ZFAND4: variants seen among roughly 807,000 people sequenced by gnomAD.
ZFAND4 encodes zinc finger AN1-type containing 4.
In ZFAND4, 43 loss-of-function variants were observed where a neutral mutation model predicts 64.4. That is an observed-to-expected ratio of 0.67 (90% confidence interval 0.52 to 0.86). The LOEUF is 0.86. ZFAND4 is among the 40% of genes least tolerant of loss of function. The probability of loss-of-function intolerance (pLI) is 0.00; values close to 1 mark genes in which losing one functional copy is unlikely to be tolerated. For missense variants in ZFAND4, 929 were observed against 859.8 expected, an observed-to-expected ratio of 1.08 and a Z score of -1.01; for synonymous variants, 296 against 305.7, an observed-to-expected ratio of 0.97 and a Z score of 0.33.
At chr10:45,646,703 C>A (rs115595932) in intron 5 of ZFAND4, among the ~76,000 whole-genome samples, 123 of 152,242 alleles carry the variant, frequency 8.1e-4, no homozygotes, top group African/African-American at 2.9e-3. Flanking sequence ...AGGACTCATA[C>A]GCTAAGCTGA....
At chr10:45,616,709 C>T (rs1054626578) in intron 9 of ZFAND4, 138 bp from the exon 10 acceptor site, 3 of 747,498 alleles carry the variant, frequency 4.0e-6, no homozygotes, top group Non-Finnish European at 4.4e-6. Context: ...TGACATTTCC[C>T]TTCCATTCGT....
rs2133576113 is a variant in ZFAND4, at chr10:45,626,816, T to C, written c.1007A>G (p.Lys336Arg). 5 of 1,614,216 alleles carry C rather than the reference T, an allele frequency of 3.1e-6. No individual in the cohort carries two copies. The highest frequency in any genetic ancestry group is 1.6e-4 in the Middle Eastern group (1 of 6,062). Residue 336 changes from lysine (K) to arginine (R), a missense_variant, in exon 7 of 10, where the codon AAA becomes AGA. Physicochemically the swap from Lys to Arg is conservative, Grantham distance 26. Coordinates refer to ENST00000344646, the MANE Select transcript of ZFAND4 (RefSeq NM_174890.4). ...CAAATGGGGTATCTGAGGAGGTAGT[T>C]TGACGTTGCTACTGAAGTGAGACAG... ...NTLSHFSSNV[K>R]LPPQIPHLEL...
In ZFAND4 at chr10:45,645,409, T is replaced by C. The variant is rs141159407; in HGVS notation, c.569+2885A>G. Among the ~76,000 whole-genome samples the C allele has an allele frequency of 4.2e-3, 636 of 152,318 alleles. 4 individuals are homozygous for C. Among genetic ancestry groups the C allele is most frequent in the African/African-American group, 0.014 (602 of 41,564 alleles). ...TTCAATTGTTTCATGGACTTATCCA[T>C]CATCAGTTTGGTGGCTTACTGGTAA... On this transcript the variant is annotated intron_variant, in intron 5 of 9. Coordinates refer to ENST00000344646, the MANE Select transcript of ZFAND4 (RefSeq NM_174890.4).
intron 6 of ZFAND4, among the ~76,000 whole-genome samples, chr10:45,635,208 AAAAAAC>A: frequency 6.9e-6 from 1 of 144,894 alleles, no homozygotes; most frequent in African/African-American, 2.6e-5. Context: ...AAAAAAAAAA[AAAAAAC>A]AAAAAAAAAA....
Position 45,616,113 on chromosome 10 carries a change from A to G in ZFAND4, c.*323T>C, listed in dbSNP as rs2044924765. On this transcript the variant is annotated 3_prime_UTR_variant, in exon 10 of 10. Coordinates refer to ENST00000344646, the MANE Select transcript of ZFAND4 (RefSeq NM_174890.4). Reference sequence around the variant, plus strand: ...ATGTGGAAGCCTGGTTATTTAGGAAATATTTCGTTTCCTAAAGTGCATCTT... The same window carrying G: ...ATGTGGAAGCCTGGTTATTTAGGAAGTATTTCGTTTCCTAAAGTGCATCTT... 7.9e-6 allele frequency: 2 copies of G among 251,754 alleles called. No homozygotes were observed. Among genetic ancestry groups the G allele is most frequent in the Non-Finnish European group, 1.5e-5 (2 of 130,654 alleles). The allele number at this position is 251,754 out of a possible 1,614,324, so 15.6% of individuals were successfully genotyped here.
chr10:45,633,484 C>T (rs2046357928), intron 6 of ZFAND4, among the ~76,000 whole-genome samples: 1 of 151,916 alleles, frequency 6.6e-6, no homozygotes, highest in South Asian at 2.1e-4. Context: ...ATGAGAAGAT[C>T]CCTTGGTCCC....
chr10:45,619,165 A>G (rs2045229967), intron 8 of ZFAND4, among the ~76,000 whole-genome samples: 1 of 151,408 alleles, frequency 6.6e-6, no homozygotes, highest in Non-Finnish European at 1.5e-5. Context: ...CAGCCTCCCG[A>G]GTAGCTGGGA....
intron 6 of ZFAND4, among the ~76,000 whole-genome samples, chr10:45,630,313 G>A (rs1000184064): frequency 2.0e-5 from 3 of 152,086 alleles, no homozygotes; most frequent in Admixed American, 1.3e-4. Context: ...AGGAGGATAC[G>A]AAATGAGAGC....
intron 8 of ZFAND4, among the ~76,000 whole-genome samples, chr10:45,623,976 G>A (rs1393680377): frequency 6.6e-6 from 1 of 152,150 alleles, no homozygotes; most frequent in Non-Finnish European, 1.5e-5. Flanking sequence ...CTTTGGTAAC[G>A]AGTTTCCCAT....
At chr10:45,636,529 C>T (rs1322176295) in intron 6 of ZFAND4, among the ~76,000 whole-genome samples, 1 of 151,824 alleles carries the variant, frequency 6.6e-6, no homozygotes, top group African/African-American at 2.4e-5. Flanking sequence ...CCCAGCTACT[C>T]AGGAGGCTGA....
At chr10:45,648,218 G>C in intron 5 of ZFAND4, 76 bp downstream of exon 5, 5 of 1,388,316 alleles carry the variant, frequency 3.6e-6, no homozygotes, top group Non-Finnish European at 4.8e-6. Context: ...GCTGGGGCAG[G>C]AATGAGATGC....
At chr10:45,668,536 T>G (rs1288839669) in intron 1 of ZFAND4, among the ~76,000 whole-genome samples, 1 of 152,214 alleles carries the variant, frequency 6.6e-6, no homozygotes, top group African/African-American at 2.4e-5. Context: ...ATAACAATAT[T>G]AGCCTTACAT....
intron 8 of ZFAND4, among the ~76,000 whole-genome samples, chr10:45,621,845 A>G (rs2133529862): frequency 6.6e-6 from 1 of 152,306 alleles, no homozygotes; most frequent in East Asian, 1.9e-4. Context: ...TTTTTAAAAA[A>G]AACTATTTCA....
At chr10:45,646,748 A>G in intron 5 of ZFAND4, among the ~76,000 whole-genome samples, 1 of 152,326 alleles carries the variant, frequency 6.6e-6, no homozygotes, top group East Asian at 1.9e-4. Flanking sequence ...AGGGAGCCAA[A>G]AGAGTGTGTA....
chr10:45,651,524 C>T (rs1236789534), intron 4 of ZFAND4: 17 of 467,626 alleles, frequency 3.6e-5, no homozygotes, highest in East Asian at 2.1e-4. Context: ...AGGATGCAAC[C>T]GGGGCCATGA....
At chr10:45,651,421 A>G (rs2047750625) in intron 4 of ZFAND4, 1 of 364,114 alleles carries the variant, frequency 2.7e-6, no homozygotes. Flanking sequence ...CATGTCTACC[A>G]TACTTGGAAC....
intron 1 of ZFAND4, among the ~76,000 whole-genome samples, chr10:45,667,561 C>T (rs1459363881): frequency 2.7e-5 from 4 of 150,682 alleles, no homozygotes; most frequent in African/African-American, 9.8e-5. Flanking sequence ...CTCCGCCTCC[C>T]GAGTTCAAGC....
chr10:45,669,479 G>C (rs892119651), intron 1 of ZFAND4, among the ~76,000 whole-genome samples: 8 of 152,130 alleles, frequency 5.3e-5, no homozygotes, highest in African/African-American at 1.9e-4. Context: ...CATTCCTTCT[G>C]AAACTATTCC....
intron 6 of ZFAND4, among the ~76,000 whole-genome samples, chr10:45,632,037 C>G (rs780238528): frequency 6.6e-6 from 1 of 152,166 alleles, no homozygotes; most frequent in African/African-American, 2.4e-5. Context: ...GGGAAACCTA[C>G]AGCAAAAAGA....
Sources: gnomAD v4.1 joint callset for allele counts (sites outside exome capture counted in the v4.1 genomes callset) on GRCh38, gnomAD v4.1.1 for gene constraint, MANE v1.5 for transcripts, NCBI Gene and HGNC (gene_info 2026-07-23, HGNC 2026-07-21) for gene names.